The following NTM variants were observed in gnomAD, a reference collection of about 807,000 sequenced individuals.
The protein encoded by NTM is neurotrimin.
Under a neutral mutation model 42.1 loss-of-function variants are expected in NTM, and 13 were observed. The ratio of observed to expected loss-of-function variants is 0.31; its 90% CI spans 0.20 to 0.49. The LOEUF (loss-of-function observed/expected upper bound fraction) is 0.49, where lower values mean the gene tolerates loss of function less well. Ranked by LOEUF, NTM falls within the 20% of genes least tolerant of loss-of-function variation. NTM has a pLI of 0.99. For missense variants in NTM, 373 were observed against 452.8 expected (o/e 0.82, Z 1.60); for synonymous variants, 187 against 179.2 (o/e 1.04, Z -0.35).
intron 2 of NTM, among the ~76,000 whole-genome samples, chr11:132,120,212 T>G (rs147720088): frequency 3.0e-4 from 46 of 152,312 alleles, no homozygotes; most frequent in African/African-American, 1.1e-3. Flanking sequence ...GCTTTAAAAC[T>G]GATCAGAGCT....
chr11:131,781,314 A>G (rs2136009375), intron 1 of NTM, among the ~76,000 whole-genome samples: 1 of 152,264 alleles, frequency 6.6e-6, no homozygotes, highest in Middle Eastern at 3.4e-3. Context: ...AAAAGTTTTG[A>G]ACTCAGGAGA....
chr11:131,421,184 G>A (rs1057240326), intron 1 of NTM, among the ~76,000 whole-genome samples: 4 of 152,216 alleles, frequency 2.6e-5, no homozygotes, highest in Admixed American at 2.6e-4. Context: ...AGTATGTCCT[G>A]TATCTGGCTG....
chr11:131,971,785 C>G (rs749288075), intron 2 of NTM, among the ~76,000 whole-genome samples: 3 of 152,006 alleles, frequency 2.0e-5, no homozygotes, highest in Admixed American at 1.3e-4. Flanking sequence ...GTGGCTCACG[C>G]CTGTAATCCC....
At chr11:131,979,185 C>T (rs2064867488) in intron 2 of NTM, among the ~76,000 whole-genome samples, 1 of 152,168 alleles carries the variant, frequency 6.6e-6, no homozygotes, top group African/African-American at 2.4e-5. Context: ...TGATGCTATA[C>T]ACTGAAACAC....
At chr11:131,761,026 G>A (rs74933919) in intron 1 of NTM, among the ~76,000 whole-genome samples, 1 of 152,112 alleles carries the variant, frequency 6.6e-6, no homozygotes, top group Non-Finnish European at 1.5e-5. Flanking sequence ...CAAAACCACC[G>A]GGATGGAGGG....
At chr11:131,978,628 T>A (rs2064778961) in intron 2 of NTM, among the ~76,000 whole-genome samples, 1 of 152,136 alleles carries the variant, frequency 6.6e-6, no homozygotes, top group Admixed American at 6.5e-5. Flanking sequence ...CCCGCAGCAG[T>A]AACCTAAGGC....
chr11:131,635,691 A>G (rs1036368864), intron 1 of NTM, among the ~76,000 whole-genome samples: 1 of 152,066 alleles, frequency 6.6e-6, no homozygotes, highest in Admixed American at 6.6e-5. Flanking sequence ...TAGTGTATTT[A>G]TTAATTTAGT....
chr11:131,702,665 C>G (rs1218998090), intron 1 of NTM, among the ~76,000 whole-genome samples: 1 of 152,154 alleles, frequency 6.6e-6, no homozygotes, highest in African/African-American at 2.4e-5. Context: ...ACCATGCTTT[C>G]CCAAGTGACT....
At chr11:132,311,022 A>G (rs1355275112) in intron 6 of NTM, among the ~76,000 whole-genome samples, 1 of 152,134 alleles carries the variant, frequency 6.6e-6, no homozygotes, top group African/African-American at 2.4e-5. Flanking sequence ...GGGATGCTAG[A>G]GAGTCCTGAG....
intron 1 of NTM, among the ~76,000 whole-genome samples, chr11:131,907,053 TCA>T (rs1206691350): frequency 1.3e-5 from 2 of 152,224 alleles, no homozygotes; most frequent in Non-Finnish European, 2.9e-5. Flanking sequence ...CTATTTGATG[TCA>T]CACCACTCTC....
chr11:131,938,310 G>A (rs1429570324), intron 2 of NTM, among the ~76,000 whole-genome samples: 1 of 152,222 alleles, frequency 6.6e-6, no homozygotes, highest in African/African-American at 2.4e-5. Context: ...CGGGGGATGG[G>A]CAGGAGGCAG....
At chr11:132,211,760 G>A (rs2082882149) in intron 3 of NTM, 31 of 313,342 alleles carry the variant, frequency 9.9e-5, no homozygotes, top group South Asian at 9.9e-4. Flanking sequence ...AGAGGGTGGA[G>A]GCTAGGAGAA....
At chr11:131,574,320 C>A (rs1256960469) in intron 1 of NTM, among the ~76,000 whole-genome samples, 1 of 152,144 alleles carries the variant, frequency 6.6e-6, no homozygotes, top group Non-Finnish European at 1.5e-5. Flanking sequence ...TGTCCACAAG[C>A]CCCCATTCTC....
intron 6 of NTM, among the ~76,000 whole-genome samples, chr11:132,312,940 A>G (rs1288807488): frequency 1.3e-5 from 2 of 152,160 alleles, no homozygotes; most frequent in Non-Finnish European, 2.9e-5. Flanking sequence ...CATTGCCCCT[A>G]GCGTTTGGAG....
intron 1 of NTM, among the ~76,000 whole-genome samples, chr11:131,522,479 T>C (rs939972881): frequency 6.6e-6 from 1 of 152,188 alleles, no homozygotes; most frequent in Non-Finnish European, 1.5e-5. Flanking sequence ...CACTGAGCAA[T>C]TCACAGTTGA....
At chr11:131,986,506 T>G (rs141599098) in intron 2 of NTM, among the ~76,000 whole-genome samples, 21 of 152,328 alleles carry the variant, frequency 1.4e-4, no homozygotes, top group Middle Eastern at 3.4e-3. Context: ...TTCAGTTAAT[T>G]AAACATGTAT....
At chr11:131,764,688 A>C (rs2084830257) in intron 1 of NTM, among the ~76,000 whole-genome samples, 1 of 152,212 alleles carries the variant, frequency 6.6e-6, no homozygotes, top group African/African-American at 2.4e-5. Context: ...TCATGTGTGC[A>C]ATTACATGGG....
At chr11:131,505,580 G>A (rs1486797023) in intron 1 of NTM, among the ~76,000 whole-genome samples, 1 of 152,144 alleles carries the variant, frequency 6.6e-6, no homozygotes, top group Non-Finnish European at 1.5e-5. Flanking sequence ...ATTTGTCCTG[G>A]ATCACACAGC....
chr11:131,815,090 G>A (rs1482703363), intron 1 of NTM, among the ~76,000 whole-genome samples: 1 of 152,044 alleles, frequency 6.6e-6, no homozygotes, highest in Admixed American at 6.5e-5. Flanking sequence ...AGAAATACTC[G>A]TGTGGCTTCT....
Sources: gnomAD v4.1 joint callset for allele counts (sites outside exome capture counted in the v4.1 genomes callset) on GRCh38, gnomAD v4.1.1 for gene constraint, MANE v1.5 for transcripts, NCBI Gene and HGNC (gene_info 2026-07-23, HGNC 2026-07-21) for gene names.